DUSP22: variants seen among roughly 807,000 people sequenced by gnomAD.
The protein encoded by DUSP22 is dual specificity phosphatase 22.
A neutral mutation model predicts 24.5 loss-of-function variants in DUSP22; 24 were observed. The ratio of observed to expected loss-of-function variants is 0.98; its 90% CI spans 0.71 to 1.38. The LOEUF is 1.38. DUSP22 is among the 40% of genes most tolerant of loss of function. DUSP22 has a pLI of 0.00. For missense variants in DUSP22, 330 were observed against 269.2 expected, an observed-to-expected ratio of 1.23 and a Z score of -1.58; for synonymous variants, 160 against 106.4, an observed-to-expected ratio of 1.50 and a Z score of -3.10.
At chr6:317,607 C>T (rs527732119) in intron 3 of DUSP22, among the ~76,000 whole-genome samples, 137 of 152,366 alleles carry the variant, frequency 9.0e-4, no homozygotes, top group African/African-American at 3.1e-3. Flanking sequence ...CCATGAGACA[C>T]GTGTGCACTG....
At chr6:347,992 C>T in intron 5 of DUSP22, 111 bp from the exon 6 acceptor site, 2 of 1,492,566 alleles carry the variant, frequency 1.3e-6, no homozygotes, top group South Asian at 1.3e-5. Context: ...TAATCCAAGG[C>T]AGGAAGACTT....
intron 5 of DUSP22, among the ~76,000 whole-genome samples, chr6:346,512 G>A (rs959036811): frequency 6.6e-5 from 10 of 152,412 alleles, no homozygotes; most frequent in South Asian, 4.1e-4. Context: ...CATCTGAAGC[G>A]CTTGGCAGTG....
chr6:295,799 CAAAA>C (rs61498181), intron 1 of DUSP22, among the ~76,000 whole-genome samples: 6 of 137,966 alleles, frequency 4.3e-5, no homozygotes, highest in African/African-American at 5.4e-5. Context: ...GACCCTGTTT[CAAAA>C]AAAAAAAAAA....
chr6:350,179 G>A lies in DUSP22; in HGVS notation c.*1228G>A, dbSNP rs1365323783. The A allele has an allele frequency of 3.0e-6, 3 of 986,100 alleles. No homozygotes were observed. The highest frequency in any genetic ancestry group is 4.7e-5 in the South Asian group (1 of 21,316). 61.1% of individuals were successfully genotyped at this position (986,100 alleles called of 1,614,324 possible). A position where few individuals can be genotyped will look rare whatever the true frequency, so the allele number is the denominator to read the frequency against. ...AAAATGTTCGGTCATGATTGCTTTT[G>A]AAACCAAAGGGGAAGGTACCGATAT... On this transcript the variant is annotated 3_prime_UTR_variant, in exon 7 of 7. Coordinates refer to ENST00000419235, the MANE Select transcript of DUSP22 (RefSeq NM_001286555.3).
At chr6:329,555 C>T (rs1220682426) in intron 3 of DUSP22, among the ~76,000 whole-genome samples, 3 of 152,298 alleles carry the variant, frequency 2.0e-5, no homozygotes, top group Admixed American at 6.5e-5. Flanking sequence ...TGGGTTCAAG[C>T]GATTCTCCTG....
chr6:314,305 AG>A (rs1397380089), intron 3 of DUSP22, among the ~76,000 whole-genome samples: 2 of 152,310 alleles, frequency 1.3e-5, no homozygotes, highest in African/African-American at 4.8e-5. Flanking sequence ...TTCTCTGGGC[AG>A]CCCCAGGCTG....
At chr6:324,112 C>T (rs1338177384) in intron 3 of DUSP22, among the ~76,000 whole-genome samples, 1 of 152,308 alleles carries the variant, frequency 6.6e-6, no homozygotes, top group African/African-American at 2.4e-5. Context: ...CTGATGGAAA[C>T]CTCTGCAGCT....
rs1760066721 is a variant in DUSP22 at position 349,361 on chromosome 6, C to A, written c.*410C>A. 2.9e-6 allele frequency: 3 copies of A among 1,036,904 alleles called. No homozygotes were observed. In the African/African-American group the frequency reaches 5.1e-5, roughly 18 times the overall value. The allele number at this position is 1,036,904 out of a possible 1,614,324, so 64.2% of individuals were successfully genotyped here. On this transcript the variant is annotated 3_prime_UTR_variant, in exon 7 of 7. Transcript: ENST00000419235. ...TTGTGTGTGTGTGAACTCTTTCTTACTGCTGGAAGTCACAGAATTCATATT... is the reference window on the plus strand; with the variant it reads ...TTGTGTGTGTGTGAACTCTTTCTTAATGCTGGAAGTCACAGAATTCATATT...
At chr6:342,880 G>A (rs73717037) in intron 4 of DUSP22, among the ~76,000 whole-genome samples, 11,851 of 148,748 alleles carry the variant, frequency 0.08, 26 homozygotes, top group East Asian at 0.24. Flanking sequence ...CAGTGCGGCT[G>A]ACATGTCTTG....
chr6:300,875 CAG>C (rs1448932385), intron 1 of DUSP22, among the ~76,000 whole-genome samples: 7 of 152,308 alleles, frequency 4.6e-5, no homozygotes, highest in Non-Finnish European at 7.3e-5. Context: ...GAGCCAGACT[CAG>C]GGGCAACCTT....
rs1760150297 is a variant in DUSP22 at position 350,562 on chromosome 6, C to CGCGCAGGT, written c.*1614_*1621dup. On this transcript the variant is annotated 3_prime_UTR_variant, in exon 7 of 7. Transcript: ENST00000419235. ...CGGGAAAAACAAAGTTGCCTGATTC[C>CGCGCAGGT]GCGCAGGTGCACAGGCCCCGGATGT... The CGCGCAGGT allele has an allele frequency of 7.3e-7, 1 of 1,378,022 alleles. No individual in the cohort carries two copies. The highest frequency in any genetic ancestry group is 1.5e-5 in the African/African-American group (1 of 68,708). The allele number at this position is 1,378,022 out of a possible 1,614,324, so 85.4% of individuals were successfully genotyped here.
At chr6:327,465 T>C (rs1369183129) in intron 3 of DUSP22, among the ~76,000 whole-genome samples, 3 of 152,430 alleles carry the variant, frequency 2.0e-5, no homozygotes, top group Admixed American at 2.0e-4. Flanking sequence ...TGAAATGGCA[T>C]GTCCCTCCTC....
rs529791644 is a variant in DUSP22 at position 314,271 on chromosome 6, C to T, written c.138+2309C>T. On this transcript the variant is annotated intron_variant, in intron 3 of 6. Transcript: ENST00000419235. ...ATTTCCCGAGATCTTCAAAACCATA[C>T]GTATTTATTGAATGGCCGCTGGCTT... is the stretch of plus-strand genomic sequence containing the variant. 5.1e-4 allele frequency among the ~76,000 whole-genome samples: 78 copies of T among 152,394 alleles called. No homozygotes were observed. In the South Asian group the frequency reaches 9.5e-3, roughly 19 times the overall value.
intron 3 of DUSP22, among the ~76,000 whole-genome samples, chr6:322,843 G>C (rs1004512977): frequency 1.4e-5 from 2 of 141,542 alleles, no homozygotes; most frequent in Non-Finnish European, 3.1e-5. Flanking sequence ...GGCGGGGGGG[G>C]GCCTTCGAGT....
At chr6:309,207 G>T (rs1214248126) in intron 2 of DUSP22, among the ~76,000 whole-genome samples, 1 of 152,298 alleles carries the variant, frequency 6.6e-6, no homozygotes, top group Non-Finnish European at 1.5e-5. Context: ...TCCATAGCAG[G>T]TGGCTTTGAG....
At chr6:328,472 T>C (rs1429357636) in intron 3 of DUSP22, among the ~76,000 whole-genome samples, 1 of 152,306 alleles carries the variant, frequency 6.6e-6, no homozygotes, top group African/African-American at 2.4e-5. Context: ...TGCATGTCGG[T>C]TTTTGACTAA....
Position 349,565 on chromosome 6 carries a change from T to G in DUSP22, c.*614T>G, listed in dbSNP as rs1005681089. 1 of 988,928 alleles carries G rather than the reference T, an allele frequency of 1.0e-6. No homozygotes were observed. Among genetic ancestry groups the G allele is most frequent in the African/African-American group, 1.7e-5 (1 of 57,426 alleles). 61.3% of individuals were successfully genotyped at this position (988,928 alleles called of 1,614,324 possible). A position where few individuals can be genotyped will look rare whatever the true frequency, so the allele number is the denominator to read the frequency against. ...CTCTCCCAGAACCCACCCAGGGTGG[T>G]GTGGTGGGGGCAACAGGGGCCAGAC... On this transcript the variant is annotated 3_prime_UTR_variant, in exon 7 of 7. Transcript: ENST00000419235.
chr6:349,808 T>C lies in DUSP22; in HGVS notation c.*857T>C. 1.0e-6 allele frequency: 1 copy of C among 985,914 alleles called. No individual in the cohort carries two copies. Among genetic ancestry groups the C allele is most frequent in the Non-Finnish European group, 1.2e-6 (1 of 830,230 alleles). The allele number at this position is 985,914 out of a possible 1,614,324, so 61.1% of individuals were successfully genotyped here. ...GCCCTGAGTTCTACTTGGTGTTTGTTCTCTGGAGCTGATTGCACTTGAGCT... is the reference window on the plus strand; with the variant it reads ...GCCCTGAGTTCTACTTGGTGTTTGTCCTCTGGAGCTGATTGCACTTGAGCT... On this transcript the variant is annotated 3_prime_UTR_variant, in exon 7 of 7. Transcript: ENST00000419235.
chr6:323,782 G>C (rs1758716909), intron 3 of DUSP22, among the ~76,000 whole-genome samples: 2 of 152,310 alleles, frequency 1.3e-5, no homozygotes, highest in Admixed American at 1.3e-4. Context: ...CATTTCAGCT[G>C]TGCTGACCTG....
Sources: gnomAD v4.1 joint callset for allele counts (sites outside exome capture counted in the v4.1 genomes callset) on GRCh38, gnomAD v4.1.1 for gene constraint, MANE v1.5 for transcripts, NCBI Gene and HGNC (gene_info 2026-07-23, HGNC 2026-07-21) for gene names.